Variants in PIBF1 observed in about 807,000 individuals in gnomAD.
PIBF1 encodes the protein progesterone-induced-blocking factor 1.
Under a neutral mutation model 112.5 loss-of-function variants are expected in PIBF1, and 90 were observed. That is an observed-to-expected ratio of 0.80 (90% CI 0.67 to 0.95). The LOEUF is 0.95. Ranked by LOEUF, PIBF1 falls within the 40% of genes least tolerant of loss-of-function variation. PIBF1 has a pLI of 0.00. For synonymous variants in PIBF1, 301 were observed against 288.6 expected (o/e 1.04, Z -0.44); for missense variants, 915 against 852.3 (o/e 1.07, Z -0.92).
intron 5 of PIBF1, among the ~76,000 whole-genome samples, chr13:72,811,755 A>G (rs1470135374): frequency 1.3e-5 from 2 of 152,158 alleles, no homozygotes; most frequent in Non-Finnish European, 1.5e-5. Flanking sequence ...TCTCTTGCCT[A>G]TACCTCTAAA....
rs56919637 is a variant in PIBF1 at position 72,873,773 on chromosome 13, TA to T, written c.1322+19629del. On this transcript the variant is annotated intron_variant, in intron 10 of 17. Coordinates refer to ENST00000326291, the MANE Select transcript of PIBF1 (RefSeq NM_006346.4). Reference sequence around the variant, plus strand: ...TCGTTAAATTGGACTTTACTCAAAATAAAAAAAAAAATTGCTCTTCTGTTAA... The same window carrying T: ...TCGTTAAATTGGACTTTACTCAAAATAAAAAAAAAATTGCTCTTCTGTTAA... Among the ~76,000 whole-genome samples the T allele has an allele frequency of 6.2e-3, 929 of 149,074 alleles. 3 individuals are homozygous for T. Among genetic ancestry groups the T allele is most frequent in the Non-Finnish European group, 0.01 (681 of 66,958 alleles).
intron 8 of PIBF1, among the ~76,000 whole-genome samples, chr13:72,834,208 A>G (rs1227767378): frequency 6.6e-6 from 1 of 152,164 alleles, no homozygotes. Context: ...GTTTTAACTT[A>G]TATGCCCTTC....
chr13:72,803,191 A>G (rs558526930), intron 5 of PIBF1, among the ~76,000 whole-genome samples: 1 of 152,066 alleles, frequency 6.6e-6, no homozygotes, highest in African/African-American at 2.4e-5. Context: ...GAACAAAGAG[A>G]GTTGGCAATT....
intron 13 of PIBF1, among the ~76,000 whole-genome samples, chr13:72,928,006 C>CATATATATATACACACATATACATAT (rs34525341): frequency 4.1e-4 from 42 of 101,788 alleles, no homozygotes; most frequent in African/African-American, 2.1e-3. Flanking sequence ...CATATATATA[C>CATATATATATACACACATATACATAT]ATATATATAC....
At chr13:72,928,331 C>G (rs565067362) in intron 13 of PIBF1, among the ~76,000 whole-genome samples, 2 of 152,076 alleles carry the variant, frequency 1.3e-5, no homozygotes, top group East Asian at 3.9e-4. Flanking sequence ...TAGATACTTT[C>G]CTTCTATTTA....
rs532935085 is a variant in PIBF1, at chr13:72,928,379, T to G, written c.1731-2786T>G. 2.0e-5 allele frequency among the ~76,000 whole-genome samples: 3 copies of G among 152,266 alleles called. No homozygotes were observed. In the East Asian group the frequency reaches 5.8e-4, roughly 29 times the overall value. On this transcript the variant is annotated intron_variant, in intron 13 of 17. Coordinates refer to ENST00000326291, the MANE Select transcript of PIBF1 (RefSeq NM_006346.4). ...CTTACTTGGAATCTCCCAGTCAAAA[T>G]CAGGGAAATTCCTTTTTGAAGAAAG...
At chr13:72,808,506 G>A (rs571511582) in intron 5 of PIBF1, among the ~76,000 whole-genome samples, 1 of 152,282 alleles carries the variant, frequency 6.6e-6, no homozygotes, top group South Asian at 2.1e-4. Flanking sequence ...CCTCTAAACG[G>A]TGGTGATGTT....
chr13:72,876,699 G>T (rs930534514), intron 10 of PIBF1, among the ~76,000 whole-genome samples: 3 of 151,986 alleles, frequency 2.0e-5, no homozygotes, highest in East Asian at 3.9e-4. Context: ...AAATGTTACT[G>T]TGTTTTTAAC....
At chr13:72,821,634 T>A (rs1181628237) in intron 5 of PIBF1, among the ~76,000 whole-genome samples, 1 of 152,176 alleles carries the variant, frequency 6.6e-6, no homozygotes, top group Non-Finnish European at 1.5e-5. Context: ...GAAAAACAGT[T>A]TAAGTTTTAA....
At chr13:72,934,811 T>C (rs2041815703) in intron 14 of PIBF1, among the ~76,000 whole-genome samples, 1 of 152,166 alleles carries the variant, frequency 6.6e-6, no homozygotes, top group Non-Finnish European at 1.5e-5. Context: ...AATATACCTA[T>C]GAAACTATCA....
At position 72,811,608 on chromosome 13, in the gene PIBF1, AAG is replaced by A. The variant is rs1555287755; in HGVS notation, c.673-10233_673-10232del. Among the ~76,000 whole-genome samples the A allele has an allele frequency of 1.6e-3, 217 of 139,698 alleles. 2 individuals carry two copies. The highest frequency in any genetic ancestry group is 4.8e-3 in the African/African-American group (172 of 35,664). 91.6% of individuals were successfully genotyped at this position (139,698 alleles called of 152,430 possible). A position where few individuals can be genotyped will look rare whatever the true frequency, so the allele number is the denominator to read the frequency against. On this transcript the variant is annotated intron_variant, in intron 5 of 17. Coordinates refer to ENST00000326291, the MANE Select transcript of PIBF1 (RefSeq NM_006346.4). ...AAAACTCCGTCTCAAAAAAAAAAAA[AAG>A]AGAGAGAAATGTATATATTAATGCC... is the stretch of plus-strand genomic sequence containing the variant.
chr13:72,949,450 G>T (rs1566481560), intron 14 of PIBF1, among the ~76,000 whole-genome samples: 1 of 151,638 alleles, frequency 6.6e-6, no homozygotes, highest in South Asian at 2.1e-4. Flanking sequence ...CCAGTAGCTG[G>T]GATTACAGGT....
At chr13:72,844,357 T>C (rs2037739259) in intron 9 of PIBF1, among the ~76,000 whole-genome samples, 1 of 152,208 alleles carries the variant, frequency 6.6e-6, no homozygotes, top group African/African-American at 2.4e-5. Flanking sequence ...TTTATTATTA[T>C]ACTTTAGGTT....
chr13:72,893,946 G>C lies in PIBF1; in HGVS notation c.1485G>C (p.Leu495Phe). 4 of 1,572,414 alleles carry C rather than the reference G, an allele frequency of 2.5e-6. No homozygotes were observed. Among genetic ancestry groups the C allele is most frequent in the Non-Finnish European group, 3.5e-6 (4 of 1,157,236 alleles). ...AATGTGAAAAATATCAGAAAAAATT[G>C]GAGGTACATGTACAAGCTTTTCTTT... is the stretch of plus-strand genomic sequence containing the variant. ...QLECEKYQKKLEVLTKEFYSL... is the reference protein window; with the variant it reads ...QLECEKYQKKFEVLTKEFYSL... The change falls in exon 11 of 18, where the codon TTG (leucine) becomes TTC (phenylalanine). Residue 495 changes from leucine to phenylalanine, a missense_variant. Transcript: ENST00000326291.
Position 72,908,539 on chromosome 13 carries a change from CA to C in PIBF1, c.1500del (p.Glu501AsnfsTer27), listed in dbSNP as rs1249166934. ...TTCTCTTTCACTATTAGGTTTTAAC[CA>C]AAGAATTTTATAGTCTCCAAGCCTC... ...KYQKKLEVLT[K>X]EFYSLQASSE... On this transcript the variant is annotated frameshift_variant, in exon 12 of 18. Coordinates refer to ENST00000326291, the MANE Select transcript of PIBF1 (RefSeq NM_006346.4). LOFTEE classifies it high-confidence loss of function. 2 of 1,596,650 alleles carry C rather than the reference CA, an allele frequency of 1.3e-6. No individual in the cohort carries two copies. The highest frequency in any genetic ancestry group is 2.3e-5 in the South Asian group (2 of 87,712).
intron 16 of PIBF1, among the ~76,000 whole-genome samples, chr13:72,982,740 T>C (rs2043184619): frequency 6.6e-6 from 1 of 152,168 alleles, no homozygotes; most frequent in African/African-American, 2.4e-5. Flanking sequence ...CTTTAGAAAC[T>C]GTCATCAAAA....
chr13:72,889,432 C>G (rs1360010620), intron 10 of PIBF1, among the ~76,000 whole-genome samples: 2 of 152,208 alleles, frequency 1.3e-5, no homozygotes, highest in Non-Finnish European at 2.9e-5. Context: ...CAGTCTATCT[C>G]TGACTACCTA....
chr13:73,005,784 A>G (rs1594357890), intron 17 of PIBF1, among the ~76,000 whole-genome samples: 1 of 152,146 alleles, frequency 6.6e-6, no homozygotes, highest in East Asian at 1.9e-4. Context: ...TTTCTATGGC[A>G]CAACAGGATA....
At chr13:72,854,578 C>T (rs925516183) in intron 10 of PIBF1, among the ~76,000 whole-genome samples, 2 of 152,114 alleles carry the variant, frequency 1.3e-5, no homozygotes, top group Non-Finnish European at 2.9e-5. Context: ...GTAGTTCATT[C>T]CTTGTTGTTG....
Sources: gnomAD v4.1 joint callset for allele counts (sites outside exome capture counted in the v4.1 genomes callset) on GRCh38, gnomAD v4.1.1 for gene constraint, MANE v1.5 for transcripts, NCBI Gene and HGNC (gene_info 2026-07-23, HGNC 2026-07-21) for gene names.